The following SGMS2 variants were observed in gnomAD, a reference collection of about 807,000 sequenced individuals.
The protein encoded by SGMS2 is sphingomyelin synthase 2.
A neutral mutation model predicts 43.8 loss-of-function variants in SGMS2; 21 were observed. That is an observed-to-expected ratio of 0.48 (90% CI 0.34 to 0.69). SGMS2 has a LOEUF of 0.69. Ranked by LOEUF, SGMS2 falls within the 30% of genes least tolerant of loss-of-function variation. The probability of loss-of-function intolerance (pLI) is 0.01; values close to 1 mark genes in which losing one functional copy is unlikely to be tolerated. For synonymous variants in SGMS2, 167 were observed against 160.6 expected (o/e 1.04, Z -0.30); for missense variants, 384 against 443.2 (o/e 0.87, Z 1.20).
chr4:107,834,271 T>C (rs933180691), intron 1 of SGMS2, among the ~76,000 whole-genome samples: 3 of 152,248 alleles, frequency 2.0e-5, no homozygotes, highest in Non-Finnish European at 4.4e-5. Flanking sequence ...TATGTAAAAT[T>C]AACCACTTTG....
chr4:107,824,789 G>T (rs1040036485), upstream of SGMS2: 2 of 152,256 alleles, frequency 1.3e-5, no homozygotes, highest in African/African-American at 4.8e-5. Flanking sequence ...CCACCGGGCC[G>T]ACGGGTGAGT....
In SGMS2 at chr4:107,827,984, T is replaced by TCAAAA. The variant is rs541850484; in HGVS notation, c.-327+2752_-327+2756dup. Among the ~76,000 whole-genome samples, 481 of 152,174 alleles carry TCAAAA rather than the reference T, an allele frequency of 3.2e-3. 1 individual carries two copies. The highest frequency in any genetic ancestry group is 0.011 in the African/African-American group (445 of 41,504). Reference sequence around the variant, plus strand: ...CTGGGTGACAGAGCTAGACTCTGTCTCAAAACAAAACAAAACAAAACAAAA... The same window carrying TCAAAA: ...CTGGGTGACAGAGCTAGACTCTGTCTCAAAACAAAACAAAACAAAACAAAACAAAA... On this transcript the variant is annotated intron_variant, in intron 1 of 6. Coordinates refer to ENST00000690982, the MANE Select transcript of SGMS2 (RefSeq NM_001375905.1).
intron 2 of SGMS2, among the ~76,000 whole-genome samples, chr4:107,889,488 T>C (rs546123705): frequency 3.3e-5 from 5 of 152,302 alleles, no homozygotes; most frequent in African/African-American, 1.2e-4. Context: ...AAGCATTTGA[T>C]TAGTCTCTTA....
chr4:107,877,890 C>T (rs1329562571), intron 2 of SGMS2, among the ~76,000 whole-genome samples: 4 of 144,884 alleles, frequency 2.8e-5, no homozygotes, highest in Non-Finnish European at 4.5e-5. Context: ...CCACCTCACT[C>T]TTTCTTTCTT....
chr4:107,914,648 T>C lies in SGMS2; in HGVS notation c.*4095T>C, dbSNP rs1732342058. On this transcript the variant is annotated 3_prime_UTR_variant, in exon 7 of 7. Coordinates refer to ENST00000690982, the MANE Select transcript of SGMS2 (RefSeq NM_001375905.1). ...TGATATCTACTGTATGCTATTGTGA[T>C]AGTTTTATGAAATGCTTACATTTTA... The C allele has an allele frequency of 6.6e-6, 1 of 152,150 alleles. No individual in the cohort carries two copies. The highest frequency in any genetic ancestry group is 1.5e-5 in the Non-Finnish European group (1 of 67,998). 9.4% of individuals were successfully genotyped at this position (152,150 alleles called of 1,614,324 possible).
intron 2 of SGMS2, among the ~76,000 whole-genome samples, chr4:107,885,737 A>G (rs989830252): frequency 3.9e-5 from 6 of 152,198 alleles, no homozygotes; most frequent in Admixed American, 2.0e-4. Context: ...AAAACATACA[A>G]TATTCAACTG....
intron 1 of SGMS2, among the ~76,000 whole-genome samples, chr4:107,845,825 C>T (rs748207832): frequency 1.8e-4 from 28 of 152,092 alleles, no homozygotes; most frequent in Admixed American, 5.2e-4. Context: ...TAAGGCGTGT[C>T]CTGCCATTTG....
intron 3 of SGMS2, among the ~76,000 whole-genome samples, chr4:107,896,828 A>G (rs1730710867): frequency 6.6e-6 from 1 of 152,194 alleles, no homozygotes; most frequent in African/African-American, 2.4e-5. Context: ...GTCCATAAAA[A>G]CGAAGGCTCC....
intron 2 of SGMS2, among the ~76,000 whole-genome samples, chr4:107,885,028 T>A (rs1336976597): frequency 6.6e-6 from 1 of 152,182 alleles, no homozygotes; most frequent in African/African-American, 2.4e-5. Context: ...GGATGGCAGT[T>A]TCATTAGTTC....
At chr4:107,837,379 A>G (rs1161900549) in intron 1 of SGMS2, among the ~76,000 whole-genome samples, 3 of 152,186 alleles carry the variant, frequency 2.0e-5, no homozygotes, top group South Asian at 2.1e-4. Context: ...GGTCAGATTT[A>G]CACTGAGTTG....
At chr4:107,841,124 T>C (rs1483488799) in intron 1 of SGMS2, among the ~76,000 whole-genome samples, 2 of 152,126 alleles carry the variant, frequency 1.3e-5, no homozygotes, top group Non-Finnish European at 2.9e-5. Context: ...TAAAGAGTGA[T>C]TAGTAAAAGG....
intron 1 of SGMS2, among the ~76,000 whole-genome samples, chr4:107,839,367 G>A (rs183335904): frequency 1.3e-5 from 2 of 151,088 alleles, no homozygotes; most frequent in African/African-American, 2.5e-5. Flanking sequence ...TACCAGGGCT[G>A]TGTGGAAGTG....
At chr4:107,877,078 T>C (rs1240304999) in intron 2 of SGMS2, among the ~76,000 whole-genome samples, 1 of 151,892 alleles carries the variant, frequency 6.6e-6, no homozygotes, top group East Asian at 1.9e-4. Context: ...CTTGGGAGAA[T>C]CACTTGAGGC....
Position 107,912,401 on chromosome 4 carries a change from A to G in SGMS2, c.*1848A>G, listed in dbSNP as rs941242892. ...AATAAACATATACTTAGTTTACCTG[A>G]TGAGTTTAGACATAATTCTATATAA... On this transcript the variant is annotated 3_prime_UTR_variant, in exon 7 of 7. Transcript: ENST00000690982. 2.6e-5 allele frequency: 4 copies of G among 152,202 alleles called. No homozygotes were observed. The highest frequency in any genetic ancestry group is 9.6e-5 in the African/African-American group (4 of 41,456). The allele number at this position is 152,202 out of a possible 1,614,324, so 9.4% of individuals were successfully genotyped here. A position where few individuals can be genotyped will look rare whatever the true frequency, so the allele number is the denominator to read the frequency against.
intron 2 of SGMS2, among the ~76,000 whole-genome samples, chr4:107,889,346 A>T (rs1287811454): frequency 6.6e-6 from 1 of 152,170 alleles, no homozygotes; most frequent in Non-Finnish European, 1.5e-5. Flanking sequence ...ATAAGTATGA[A>T]ATTGCTTGAT....
At chr4:107,905,376 C>T (rs1156689589) in intron 5 of SGMS2, among the ~76,000 whole-genome samples, 1 of 152,166 alleles carries the variant, frequency 6.6e-6, no homozygotes, top group African/African-American at 2.4e-5. Flanking sequence ...CCACCAGGTC[C>T]CTCCCACAGC....
In SGMS2 at chr4:107,912,517, C is replaced by T. The variant is rs1186751212; in HGVS notation, c.*1964C>T. ...CACTGATTTTTAAGTTCCTGTTGCC[C>T]GATTGTAAAGAAAATCATCTGACAC... On this transcript the variant is annotated 3_prime_UTR_variant, in exon 7 of 7. Coordinates refer to ENST00000690982, the MANE Select transcript of SGMS2 (RefSeq NM_001375905.1). 3.9e-5 allele frequency: 6 copies of T among 151,932 alleles called. No individual in the cohort carries two copies. The highest frequency in any genetic ancestry group is 8.8e-5 in the Non-Finnish European group (6 of 68,006). 9.4% of individuals were successfully genotyped at this position (151,932 alleles called of 1,614,324 possible). A position where few individuals can be genotyped will look rare whatever the true frequency, so the allele number is the denominator to read the frequency against.
rs1445731125 is a variant in SGMS2, at chr4:107,895,809, G to T, written c.256G>T (p.Ala86Ser). Residue 86 changes from alanine to serine, a missense_variant, in exon 3 of 7, where the codon GCA (alanine) becomes TCA (serine). Physicochemically the swap from Ala to Ser is moderately conservative, Grantham distance 99. Transcript: ENST00000690982. ...WWKTGIAFIY[A>S]VFNLVLTTVM... Reference sequence around the variant, plus strand: ...GAAAACGGGCATTGCCTTCATATATGCAGTTTTCAACCTCGTCTTGACAAC... The same window carrying T: ...GAAAACGGGCATTGCCTTCATATATTCAGTTTTCAACCTCGTCTTGACAAC... 1 of 1,613,872 alleles carries T rather than the reference G, an allele frequency of 6.2e-7. No individual in the cohort carries two copies.
intron 1 of SGMS2, among the ~76,000 whole-genome samples, chr4:107,846,074 C>A (rs553531258): frequency 2.0e-5 from 3 of 152,008 alleles, no homozygotes; most frequent in South Asian, 2.1e-4. Context: ...TGTCATTATT[C>A]TTAAAGGATC....
Sources: allele counts gnomAD v4.1 joint callset (sites outside exome capture counted in the v4.1 genomes callset), GRCh38; gene constraint gnomAD v4.1.1; transcripts MANE v1.5; gene names NCBI Gene and HGNC (gene_info 2026-07-23, HGNC 2026-07-21).